Variants in AFG1L observed in about 807,000 individuals in gnomAD.
AFG1L encodes AFG1-like ATPase.
Under a neutral mutation model 62.2 loss-of-function variants are expected in AFG1L, and 53 were observed. That is an observed-to-expected ratio of 0.85 (90% confidence interval 0.68 to 1.07). The LOEUF (loss-of-function observed/expected upper bound fraction) is 1.07, where lower values mean the gene tolerates loss of function less well. AFG1L is among the 50% of genes least tolerant of loss of function. The pLI, the probability that AFG1L is intolerant of heterozygous loss-of-function variation, is 0.00. For synonymous variants in AFG1L, 228 were observed against 210.3 expected, an observed-to-expected ratio of 1.08 and a Z score of -0.73; for missense variants, 555 against 590.5, an observed-to-expected ratio of 0.94 and a Z score of 0.62.
chr6:108,327,528 C>T (rs1367803210), intron 2 of AFG1L, among the ~76,000 whole-genome samples: 1 of 152,194 alleles, frequency 6.6e-6, no homozygotes, highest in Non-Finnish European at 1.5e-5. Context: ...TTCACTGTGT[C>T]CTCACATGGC....
intron 1 of AFG1L, among the ~76,000 whole-genome samples, chr6:108,313,174 G>C (rs1328723856): frequency 6.6e-6 from 1 of 152,130 alleles, no homozygotes; most frequent in Non-Finnish European, 1.5e-5. Flanking sequence ...AGTCAGGTGA[G>C]GAATCTGGAG....
chr6:108,346,077 C>G (rs529953786), intron 2 of AFG1L, among the ~76,000 whole-genome samples: 1 of 152,260 alleles, frequency 6.6e-6, no homozygotes, highest in Admixed American at 6.5e-5. Context: ...ACTGTGAACC[C>G]CTCGCTGTGG....
intron 7 of AFG1L, among the ~76,000 whole-genome samples, chr6:108,409,753 A>G (rs1782019943): frequency 6.6e-6 from 1 of 152,206 alleles, no homozygotes; most frequent in Non-Finnish European, 1.5e-5. Context: ...TGAAAATAAA[A>G]TCAGTGATAC....
intron 5 of AFG1L, 134 bp from the exon 6 acceptor site, chr6:108,366,099 C>G: frequency 1.8e-6 from 1 of 563,386 alleles, no homozygotes; most frequent in Non-Finnish European, 3.2e-6. Context: ...TAATTATCTA[C>G]TCTTTTCTTC....
At chr6:108,382,470 A>G (rs1446058720) in intron 6 of AFG1L, among the ~76,000 whole-genome samples, 3 of 152,206 alleles carry the variant, frequency 2.0e-5, no homozygotes, top group Non-Finnish European at 4.4e-5. Context: ...AGTTATGGGT[A>G]TGCACGTACA....
At chr6:108,446,125 T>G (rs11153115) in intron 7 of AFG1L, among the ~76,000 whole-genome samples, 101,478 of 150,246 alleles carry the variant, frequency 0.68, 35,844 homozygotes, top group African/African-American at 0.91. Flanking sequence ...TTCCTCTCAT[T>G]GCCCCCAAAA....
At chr6:108,422,477 C>CAAAAAAAAAAAGAAAAAAAAAAAAAAA (rs1770636467) in intron 7 of AFG1L, among the ~76,000 whole-genome samples, 1 of 45,798 alleles carries the variant, frequency 2.2e-5, no homozygotes, top group African/African-American at 1.0e-4. Flanking sequence ...TAGTCCTCAG[C>CAAAAAAAAAAAGAAAAAAAAAAAAAAA]AAAAAAAAAA....
intron 5 of AFG1L, 89 bp downstream of exon 5, chr6:108,356,909 A>C (rs955856827): frequency 8.6e-7 from 1 of 1,164,702 alleles, no homozygotes; most frequent in Non-Finnish European, 1.2e-6. Context: ...TCATTGGTTT[A>C]TAAGGTGATT....
chr6:108,497,982 A>T (rs564766588), intron 10 of AFG1L, among the ~76,000 whole-genome samples: 1 of 152,294 alleles, frequency 6.6e-6, no homozygotes, highest in Non-Finnish European at 1.5e-5. Context: ...TTGGGTTCAT[A>T]TGTGCATCTG....
intron 2 of AFG1L, among the ~76,000 whole-genome samples, chr6:108,325,875 C>G (rs555709412): frequency 9.2e-5 from 14 of 152,208 alleles, no homozygotes; most frequent in South Asian, 8.3e-4. Flanking sequence ...CTCCGCCTCC[C>G]AGGTTCAAAC....
At chr6:108,506,515 CG>C (rs1774426809) in intron 10 of AFG1L, among the ~76,000 whole-genome samples, 1 of 151,984 alleles carries the variant, frequency 6.6e-6, no homozygotes, top group South Asian at 2.1e-4. Context: ...GGCTTCCTCC[CG>C]TATTCTTTAA....
chr6:108,296,483 C>G (rs927761568), intron 1 of AFG1L, among the ~76,000 whole-genome samples: 1 of 152,006 alleles, frequency 6.6e-6, no homozygotes, highest in African/African-American at 2.4e-5. Flanking sequence ...CAGAGGCAAT[C>G]TGTGATACTA....
At chr6:108,485,646 ATATATATATATTTTTTTTTTTTT>A (rs1166796593) in intron 10 of AFG1L, among the ~76,000 whole-genome samples, 4 of 20,452 alleles carry the variant, frequency 2.0e-4, no homozygotes, top group African/African-American at 1.0e-3. Context: ...ATATATATAT[ATATATATATATTTTTTTTTTTTT>A]TTTTTTTTTT....
intron 10 of AFG1L, among the ~76,000 whole-genome samples, chr6:108,484,258 C>G (rs191152819): frequency 6.6e-6 from 1 of 152,336 alleles, no homozygotes; most frequent in East Asian, 1.9e-4. Flanking sequence ...TCATTTCCCA[C>G]ATTTCCTGAT....
At chr6:108,308,999 G>A (rs890654374) in intron 1 of AFG1L, among the ~76,000 whole-genome samples, 17 of 152,212 alleles carry the variant, frequency 1.1e-4, no homozygotes, top group African/African-American at 3.1e-4. Context: ...GAGCCACTGC[G>A]CCTGGCCAAG....
At chr6:108,460,046 A>G (rs1030290042) in intron 8 of AFG1L, among the ~76,000 whole-genome samples, 16 of 151,504 alleles carry the variant, frequency 1.1e-4, no homozygotes, top group African/African-American at 7.3e-5. Context: ...CACACAAACT[A>G]TAAGAATGAA....
At chr6:108,484,848 A>T (rs1265291792) in intron 10 of AFG1L, among the ~76,000 whole-genome samples, 1 of 152,176 alleles carries the variant, frequency 6.6e-6, no homozygotes, top group Non-Finnish European at 1.5e-5. Context: ...TGGAGATTGG[A>T]CTGAGGGATC....
chr6:108,430,291 A>C (rs1006975445), intron 7 of AFG1L, among the ~76,000 whole-genome samples: 2 of 152,206 alleles, frequency 1.3e-5, no homozygotes, highest in African/African-American at 4.8e-5. Context: ...TCTAGAATAC[A>C]GTAGGGCATA....
chr6:108,444,057 C>CATCTATCT (rs60098143), intron 7 of AFG1L, among the ~76,000 whole-genome samples: 7,792 of 145,194 alleles, frequency 0.054, 261 homozygotes, highest in South Asian at 0.076. Flanking sequence ...GAATATCTCC[C>CATCTATCT]ATCTATCTAT....
Sources: allele counts gnomAD v4.1 joint callset (sites outside exome capture counted in the v4.1 genomes callset), GRCh38; gene constraint gnomAD v4.1.1; transcripts MANE v1.5; gene names NCBI Gene and HGNC (gene_info 2026-07-23, HGNC 2026-07-21).